KDM5A: variants seen among roughly 807,000 people sequenced by gnomAD.
KDM5A encodes the protein lysine-specific demethylase 5A.
KDM5A carries 42 observed loss-of-function variants against 193.5 expected under a neutral mutation model. The observed-to-expected ratio is 0.22, with a 90% CI of 0.17 to 0.28. The LOEUF (loss-of-function observed/expected upper bound fraction) is 0.28, where lower values mean the gene tolerates loss of function less well. Ranked by LOEUF, KDM5A falls within the 10% of genes least tolerant of loss-of-function variation. The pLI is 1.00. For missense variants in KDM5A, 1,692 were observed against 2,055.1 expected, an observed-to-expected ratio of 0.82 and a Z score of 3.42; for synonymous variants, 796 against 718.1, an observed-to-expected ratio of 1.11 and a Z score of -1.73.
chr12:359,537 A>G (rs757460622), intron 5 of KDM5A, among the ~76,000 whole-genome samples: 27 of 152,084 alleles, frequency 1.8e-4, no homozygotes, highest in Non-Finnish European at 3.7e-4. Flanking sequence ...AGATCACTCG[A>G]GCCCAGAGAC....
intron 13 of KDM5A, 35 bp downstream of exon 13, chr12:331,781 TTAG>T: frequency 6.2e-7 from 1 of 1,612,208 alleles, no homozygotes; most frequent in Non-Finnish European, 8.5e-7. Context: ...TATAGGGGGG[TTAG>T]TAGACGTACA....
chr12:369,016 T>G (rs1460812698), intron 3 of KDM5A, among the ~76,000 whole-genome samples: 2 of 152,162 alleles, frequency 1.3e-5, no homozygotes, highest in African/African-American at 4.8e-5. Context: ...ATGATGTTAT[T>G]ATAAACAAAG....
At chr12:293,305 G>A (rs575871300) in intron 26 of KDM5A, 136 bp from the exon 27 acceptor site, 2 of 715,962 alleles carry the variant, frequency 2.8e-6, no homozygotes, top group East Asian at 5.7e-5. Context: ...AGGCTGAAGG[G>A]AAGAAGAAAT....
intron 12 of KDM5A, among the ~76,000 whole-genome samples, chr12:332,489 ACTTTCT>A (rs1943878166): frequency 2.0e-5 from 3 of 152,250 alleles, no homozygotes; most frequent in African/African-American, 7.2e-5. Context: ...ATGTTAAACT[ACTTTCT>A]CTTTAAGGTT....
chr12:304,513 T>G (rs1277219255), intron 24 of KDM5A, among the ~76,000 whole-genome samples: 3 of 148,010 alleles, frequency 2.0e-5, no homozygotes, highest in Non-Finnish European at 3.0e-5. Flanking sequence ...GGTATATAGC[T>G]CAGTGGTAGA....
At chr12:298,519 G>A (rs114300996) in intron 24 of KDM5A, among the ~76,000 whole-genome samples, 6,083 of 152,152 alleles carry the variant, frequency 0.04, 379 homozygotes, top group African/African-American at 0.13. Context: ...CAAAAAGGAC[G>A]TCCACTCAGA....
rs143562272 is a variant in KDM5A at position 280,730 on chromosome 12, A to G, written c.*4726T>C. On this transcript the variant is annotated 3_prime_UTR_variant, in exon 28 of 28. Coordinates refer to ENST00000399788, the MANE Select transcript of KDM5A (RefSeq NM_001042603.3). ...TTTCCCTATTAATGGTTTGTTGCAA[A>G]GGGATAAACTTCTCAAGAACCAAAA... 5.1e-4 allele frequency: 120 copies of G among 233,052 alleles called. No homozygotes were observed. Among genetic ancestry groups the G allele is most frequent in the Middle Eastern group, 1.3e-3 (1 of 784 alleles). The allele number at this position is 233,052 out of a possible 1,614,324, so 14.4% of individuals were successfully genotyped here.
intron 26 of KDM5A, among the ~76,000 whole-genome samples, chr12:294,039 A>G (rs1447593984): frequency 6.6e-6 from 1 of 152,170 alleles, no homozygotes; most frequent in Non-Finnish European, 1.5e-5. Flanking sequence ...AATTATGTTA[A>G]TAACTTTTGG....
chr12:313,147 T>C lies in KDM5A; in HGVS notation c.2945A>G (p.Lys982Arg). ...ASLESIVNEA[K>R]NIPAFLPNVL... ...ATTGGGTAGAAAGGCTGGAATGTTC[T>C]TGGCTTCATTCACAATGCTTTCTAA... Residue 982 changes from lysine (K) to arginine (R), a missense_variant, in exon 20 of 28, where the codon AAG becomes AGG. Lys to Arg is a conservative substitution (Grantham distance 26). Coordinates refer to ENST00000399788, the MANE Select transcript of KDM5A (RefSeq NM_001042603.3). 17 of 1,614,164 alleles carry C rather than the reference T, an allele frequency of 1.1e-5. No individual in the cohort carries two copies. Among genetic ancestry groups the C allele is most frequent in the Non-Finnish European group, 1.4e-5 (17 of 1,179,996 alleles).
In KDM5A at chr12:297,210, A is replaced by C. The variant is rs778494592; in HGVS notation, c.4075-10T>G. On this transcript the variant is annotated splice_polypyrimidine_tract_variant and intron_variant, in intron 24 of 27. Transcript: ENST00000399788. Reference sequence around the variant, plus strand: ...TCACACTGGCTGTGTCCTGAAGAAGAAACAAAGAGAAGTATTCAGAATTAG... The same window carrying C: ...TCACACTGGCTGTGTCCTGAAGAAGCAACAAAGAGAAGTATTCAGAATTAG... 6.2e-7 allele frequency: 1 copy of C among 1,613,668 alleles called. No individual in the cohort carries two copies. The highest frequency in any genetic ancestry group is 8.5e-7 in the Non-Finnish European group (1 of 1,179,660).
intron 5 of KDM5A, among the ~76,000 whole-genome samples, chr12:360,834 A>G (rs1229845967): frequency 6.6e-6 from 1 of 152,188 alleles, no homozygotes; most frequent in Non-Finnish European, 1.5e-5. Flanking sequence ...CAACAGACAG[A>G]GTAGGTGGGA....
chr12:304,656 A>G (rs1056638371), intron 24 of KDM5A, among the ~76,000 whole-genome samples: 2 of 152,128 alleles, frequency 1.3e-5, no homozygotes, highest in Non-Finnish European at 2.9e-5. Flanking sequence ...ACCCACTACC[A>G]AAGAGACAGT....
intron 6 of KDM5A, among the ~76,000 whole-genome samples, chr12:356,209 A>G (rs971944606): frequency 4.6e-5 from 7 of 152,214 alleles, no homozygotes; most frequent in Admixed American, 4.6e-4. Flanking sequence ...ACAGAGAAGG[A>G]AAATCCTCTC....
chr12:383,555 C>A (rs1023889086), intron 3 of KDM5A, among the ~76,000 whole-genome samples: 3 of 151,896 alleles, frequency 2.0e-5, no homozygotes, highest in Non-Finnish European at 2.9e-5. Flanking sequence ...AGATGACAAG[C>A]TCAACACAGA....
chr12:376,427 A>G (rs1158119817), intron 3 of KDM5A, among the ~76,000 whole-genome samples: 4 of 152,224 alleles, frequency 2.6e-5, no homozygotes, highest in African/African-American at 9.6e-5. Context: ...AGACCATTGG[A>G]AAAGCACAGT....
intron 3 of KDM5A, among the ~76,000 whole-genome samples, chr12:377,520 A>G (rs1944522143): frequency 6.6e-6 from 1 of 152,194 alleles, no homozygotes; most frequent in South Asian, 2.1e-4. Context: ...ACAAGAATTA[A>G]TATAGCATCG....
chr12:310,767 A>G (rs1359453819), intron 21 of KDM5A, 118 bp downstream of exon 21: 1 of 1,139,206 alleles, frequency 8.8e-7, no homozygotes, highest in Non-Finnish European at 1.3e-6. Context: ...TCAACATCTG[A>G]TATTACCTAG....
chr12:343,248 G>C (rs1185655980), intron 10 of KDM5A, among the ~76,000 whole-genome samples: 2 of 152,214 alleles, frequency 1.3e-5, no homozygotes, highest in African/African-American at 2.4e-5. Flanking sequence ...GCTGAGGCTT[G>C]AGTAGGTAGA....
rs759941763 is a variant in KDM5A, at chr12:284,888, G to A, written c.*568C>T. On this transcript the variant is annotated 3_prime_UTR_variant, in exon 28 of 28. Transcript: ENST00000399788. ...CTTCTAGCACAAACAAGCACAAATC[G>A]CTGAGGTCAATAGACTGTGATACCA... 1.4e-4 allele frequency: 34 copies of A among 236,066 alleles called. No individual in the cohort carries two copies. Among genetic ancestry groups the A allele is most frequent in the Admixed American group, 2.1e-4 (4 of 18,666 alleles). 14.6% of individuals were successfully genotyped at this position (236,066 alleles called of 1,614,324 possible).
Sources: gnomAD v4.1 joint callset for allele counts (sites outside exome capture counted in the v4.1 genomes callset) on GRCh38, gnomAD v4.1.1 for gene constraint, MANE v1.5 for transcripts, NCBI Gene and HGNC (gene_info 2026-07-23, HGNC 2026-07-21) for gene names.